Variants in NLRC5 observed in about 807,000 individuals in gnomAD.
The protein encoded by NLRC5 is protein NLRC5.
NLRC5 carries 114 observed loss-of-function variants against 206.9 expected under a neutral mutation model. That is an observed-to-expected ratio of 0.55 (90% CI 0.47 to 0.64). The LOEUF is 0.64. NLRC5 is among the 30% of genes least tolerant of loss of function. The pLI is 0.00. For missense variants in NLRC5, 2,008 were observed against 2,305.5 expected, an observed-to-expected ratio of 0.87 and a Z score of 2.64; for synonymous variants, 952 against 962.8, an observed-to-expected ratio of 0.99 and a Z score of 0.21.
chr16:57,011,213 G>C (rs2059455098), intron 1 of NLRC5, among the ~76,000 whole-genome samples: 1 of 151,614 alleles, frequency 6.6e-6, no homozygotes, highest in Admixed American at 6.6e-5. Context: ...AGGAGTTCGA[G>C]ACCAACCTGA....
rs1247436503 is a variant in NLRC5 at position 57,080,798 on chromosome 16, G to A, written c.5322-300G>A. 9 of 317,618 alleles carry A rather than the reference G, an allele frequency of 2.8e-5. No individual in the cohort carries two copies. In the East Asian group the frequency reaches 4.9e-4, roughly 17 times the overall value. The allele number at this position is 317,618 out of a possible 1,614,324, so 19.7% of individuals were successfully genotyped here. On this transcript the variant is annotated intron_variant, in intron 46 of 48. Coordinates refer to ENST00000688547, the MANE Select transcript of NLRC5 (RefSeq NM_001384950.1). ...AATTTTTTAAAGTAAGAAAAAAGAG[G>A]GGGCCAATTTAAAGAAAAATATGAT... is the stretch of plus-strand genomic sequence containing the variant.
In NLRC5 at chr16:57,054,801, C is replaced by T; in HGVS notation, c.3557C>T (p.Thr1186Ile). The T allele has an allele frequency of 4.3e-6, 7 of 1,614,210 alleles. No individual in the cohort carries two copies. The highest frequency in any genetic ancestry group is 5.9e-6 in the Non-Finnish European group (7 of 1,180,032). Reference protein sequence around the residue: ...SPKSPFLLANTLSLCPRVKKV... With the variant: ...SPKSPFLLANILSLCPRVKKV... ...AAAAGCCCCTTCCTGCTGGCCAACA[C>T]CTTAAGCCTGTGTCCACGGGTTAAA... Residue 1186 changes from threonine to isoleucine, a missense_variant, in exon 25 of 49, where the codon ACC (threonine) becomes ATC (isoleucine). Transcript: ENST00000688547.
At chr16:57,000,708 C>T (rs754701743) in intron 1 of NLRC5, among the ~76,000 whole-genome samples, 1 of 152,180 alleles carries the variant, frequency 6.6e-6, no homozygotes, top group East Asian at 1.9e-4. Flanking sequence ...ATGGTTTTCA[C>T]AGGCAACAGT....
chr16:56,998,973 A>G (rs542639786), intron 1 of NLRC5, among the ~76,000 whole-genome samples: 1 of 152,370 alleles, frequency 6.6e-6, no homozygotes, highest in Non-Finnish European at 1.5e-5. Flanking sequence ...ATTCTAAACA[A>G]TAGAAATTTA....
At chr16:57,000,178 G>C (rs960240818) in intron 1 of NLRC5, among the ~76,000 whole-genome samples, 2 of 152,138 alleles carry the variant, frequency 1.3e-5, no homozygotes, top group African/African-American at 4.8e-5. Flanking sequence ...CCTTCCTGTG[G>C]GTGCTAGACC....
chr16:57,028,430 C>T (rs779328573), intron 8 of NLRC5, 45 bp downstream of exon 8: 2 of 1,479,228 alleles, frequency 1.4e-6, no homozygotes, highest in Non-Finnish European at 1.9e-6. Context: ...AGATGAGCCA[C>T]TGCCCAGGTC....
rs1427696984 is a variant in NLRC5 at position 57,036,322 on chromosome 16, T to C, written c.2711+139T>C. 5.2e-6 allele frequency: 4 copies of C among 762,698 alleles called. No homozygotes were observed. The African/African-American group carries it at 6.9e-5, about 13-fold the overall frequency. 47.2% of individuals were successfully genotyped at this position (762,698 alleles called of 1,614,324 possible). On this transcript the variant is annotated intron_variant, in intron 14 of 48. Coordinates refer to ENST00000688547, the MANE Select transcript of NLRC5 (RefSeq NM_001384950.1). ...CCCAACTCCAGCAAAGTCAAGATGG[T>C]TTGACCATGCCTTGCCTTCACCTCC...
At chr16:57,043,391 TC>T in intron 19 of NLRC5, 123 bp from the exon 20 acceptor site, 1 of 788,566 alleles carries the variant, frequency 1.3e-6, no homozygotes, top group South Asian at 1.4e-5. Context: ...TCTCTGACCA[TC>T]TTGGGTTCAG....
intron 1 of NLRC5, chr16:56,992,075 G>A (rs1204205616): frequency 6.6e-6 from 1 of 152,304 alleles, no homozygotes; most frequent in East Asian, 1.9e-4. Context: ...AGAGTGCGGC[G>A]ATGCATCTAG....
chr16:57,074,490 G>C, intron 38 of NLRC5, 110 bp from the exon 39 acceptor site: 1 of 847,212 alleles, frequency 1.2e-6, no homozygotes, highest in South Asian at 1.4e-5. Context: ...GTGGATATAA[G>C]TGGCTGTCTT....
At position 57,079,270 on chromosome 16, in the gene NLRC5, C is replaced by T. The variant is rs761390909; in HGVS notation, c.5215C>T (p.Leu1739Phe). 5 of 1,613,506 alleles carry T rather than the reference C, an allele frequency of 3.1e-6. No homozygotes were observed. Among genetic ancestry groups the T allele is most frequent in the Non-Finnish European group, 4.2e-6 (5 of 1,180,010 alleles). The stretch of plus-strand genomic sequence containing the variant: ...AGGGGTCCTGCGTTTCTGTATGGAG[C>T]TCCCGCTGCTCAGACAGATAGAGTA... ...AGGVLRFCME[L>F]PLLRQIDLVS... Residue 1739 changes from leucine (L) to phenylalanine (F), a missense_variant, in exon 45 of 49, where the codon CTC becomes TTC. Coordinates refer to ENST00000688547, the MANE Select transcript of NLRC5 (RefSeq NM_001384950.1).
intron 13 of NLRC5, 48 bp downstream of exon 13, chr16:57,034,299 G>A: frequency 1.4e-6 from 2 of 1,430,158 alleles, no homozygotes; most frequent in Non-Finnish European, 2.0e-6. Flanking sequence ...AAGGAGGTTG[G>A]AGAGGGTGGG....
At chr16:57,040,126 G>A (rs542293606) in intron 16 of NLRC5, among the ~76,000 whole-genome samples, 13 of 152,286 alleles carry the variant, frequency 8.5e-5, no homozygotes, top group African/African-American at 1.9e-4. Context: ...GGGGGATTCC[G>A]GGAGACTAGA....
intron 32 of NLRC5, among the ~76,000 whole-genome samples, chr16:57,063,893 C>G (rs567142934): frequency 6.6e-6 from 1 of 151,894 alleles, no homozygotes; most frequent in South Asian, 2.1e-4. Context: ...TGCCCGCCAC[C>G]ACGCCTGACT....
At chr16:57,055,404 C>T in intron 26 of NLRC5, 29 bp from the exon 27 acceptor site, 1 of 1,606,398 alleles carries the variant, frequency 6.2e-7, no homozygotes, top group Non-Finnish European at 8.5e-7. Context: ...ACGCCCCATC[C>T]CCTGCTTGTC....
At position 57,082,874 on chromosome 16, in the gene NLRC5, G is replaced by A. The variant is rs114982773; in HGVS notation, c.*346G>A. On this transcript the variant is annotated 3_prime_UTR_variant, in exon 49 of 49. Coordinates refer to ENST00000688547, the MANE Select transcript of NLRC5 (RefSeq NM_001384950.1). ...CGTTACATGAAAGTCAGTGTGGCACGTGTTCTGTGGCATGGGTGCTGGCAT... is the reference window on the plus strand; with the variant it reads ...CGTTACATGAAAGTCAGTGTGGCACATGTTCTGTGGCATGGGTGCTGGCAT... 1,038 of 209,872 alleles carry A rather than the reference G, an allele frequency of 4.9e-3. 9 individuals carry two copies. The highest frequency in any genetic ancestry group is 0.023 in the African/African-American group (986 of 43,716). 13.0% of individuals were successfully genotyped at this position (209,872 alleles called of 1,614,324 possible).
At chr16:57,076,141 C>A (rs1169970778) in intron 39 of NLRC5, 2 of 157,426 alleles carry the variant, frequency 1.3e-5, no homozygotes, top group South Asian at 1.5e-4. Flanking sequence ...GTCTCGAACC[C>A]CTGACCTCAA....
Position 57,070,540 on chromosome 16 carries a change from C to G in NLRC5, c.4589C>G (p.Ser1530Cys). The stretch of plus-strand genomic sequence containing the variant: ...CTCTGCCTGGTCTTCTGCAGCTTGT[C>G]TAACAATCAATTTGATGAGGAGGGC... ...HCHHLEELDL[S>C]NNQFDEEGTK... is the part of the protein sequence containing the mutation. Residue 1530 changes from serine to cysteine, a missense_variant, in exon 38 of 49, where the codon TCT becomes TGT. Ser to Cys is a moderately radical substitution (Grantham distance 112). Transcript: ENST00000688547. The G allele has an allele frequency of 6.2e-7, 1 of 1,614,006 alleles. No individual in the cohort carries two copies.
At chr16:57,040,850 C>A in intron 17 of NLRC5, 132 bp downstream of exon 17, 1 of 839,472 alleles carries the variant, frequency 1.2e-6, no homozygotes, top group Admixed American at 2.3e-5. Context: ...GTCCAGGGGT[C>A]ATGGCCTGGC....
Sources: allele counts gnomAD v4.1 joint callset (sites outside exome capture counted in the v4.1 genomes callset), GRCh38; gene constraint gnomAD v4.1.1; transcripts MANE v1.5; gene names NCBI Gene and HGNC (gene_info 2026-07-23, HGNC 2026-07-21).